The following USP39 variants were observed in gnomAD, a reference collection of about 807,000 sequenced individuals.
USP39 encodes the protein ubiquitin specific peptidase 39.
A neutral mutation model predicts 66.4 loss-of-function variants in USP39; 38 were observed. That is an observed-to-expected ratio of 0.57 (90% CI 0.44 to 0.75). The LOEUF (loss-of-function observed/expected upper bound fraction) is 0.75. USP39 is among the 30% of genes least tolerant of loss of function. The probability of loss-of-function intolerance (pLI) is 0.00; values close to 1 mark genes in which losing one functional copy is unlikely to be tolerated. For missense variants in USP39, 608 were observed against 714.4 expected (o/e 0.85, Z 1.70); for synonymous variants, 303 against 274.6 (o/e 1.10, Z -1.02).
intron 6 of USP39, among the ~76,000 whole-genome samples, chr2:85,633,533 A>T (rs1675529130): frequency 6.6e-6 from 1 of 152,094 alleles, no homozygotes; most frequent in Admixed American, 6.6e-5. Flanking sequence ...ACTTTGGGAG[A>T]TCAAGGTGGG....
intron 2 of USP39, chr2:85,621,230 C>G: frequency 2.9e-6 from 1 of 350,174 alleles, no homozygotes; most frequent in African/African-American, 2.0e-5. Context: ...AATGGAAAGT[C>G]CTGAACTGGT....
chr2:85,635,709 A>G (rs1200886422), intron 6 of USP39, among the ~76,000 whole-genome samples: 2 of 152,184 alleles, frequency 1.3e-5, no homozygotes, highest in Non-Finnish European at 1.5e-5. Context: ...AAAGACAGGA[A>G]TCTTCATGAG....
upstream of USP39, chr2:85,607,677 G>A (rs553347689): frequency 5.3e-5 from 8 of 152,302 alleles, no homozygotes; most frequent in Admixed American, 2.6e-4. Context: ...CTTAACACCC[G>A]GATGTGGAGA....
intron 9 of USP39, 161 bp downstream of exon 9, chr2:85,639,552 T>C: frequency 1.6e-6 from 1 of 645,154 alleles, no homozygotes; most frequent in Non-Finnish European, 2.5e-6. Context: ...CCTCCCAGTT[T>C]CAAGCGATTC....
chr2:85,608,855 A>T, upstream of USP39: 1 of 1,555,832 alleles, frequency 6.4e-7, no homozygotes, highest in South Asian at 1.2e-5. Flanking sequence ...AGATCAGACA[A>T]ACTGGTCCTG....
chr2:85,626,821 G>A (rs1674902042), intron 5 of USP39, among the ~76,000 whole-genome samples: 1 of 151,776 alleles, frequency 6.6e-6, no homozygotes, highest in Non-Finnish European at 1.5e-5. Flanking sequence ...AGGTTCAAGC[G>A]ATTCTCCTGC....
At chr2:85,611,923 A>G (rs760315190), upstream of USP39, 4 of 1,589,088 alleles carry the variant, frequency 2.5e-6, no homozygotes, top group South Asian at 1.1e-5. Flanking sequence ...GCCGTGGTTC[A>G]TGTCCAGCCG....
intron 5 of USP39, among the ~76,000 whole-genome samples, chr2:85,626,366 AAAAG>A (rs1674862723): frequency 6.6e-6 from 1 of 152,192 alleles, no homozygotes; most frequent in Non-Finnish European, 1.5e-5. Context: ...CCGTCTCAAA[AAAAG>A]AAATTACTGC....
At chr2:85,630,425 G>A (rs1028013601) in intron 5 of USP39, among the ~76,000 whole-genome samples, 1 of 152,158 alleles carries the variant, frequency 6.6e-6, no homozygotes, top group African/African-American at 2.4e-5. Flanking sequence ...GGAAATTGTT[G>A]AATAAGTTGA....
chr2:85,611,743 CCTT>C, upstream of USP39: 1 of 1,611,286 alleles, frequency 6.2e-7, no homozygotes, highest in Non-Finnish European at 8.5e-7. Context: ...CGCCTCCTCA[CCTT>C]CTCCTTGGCC....
At chr2:85,620,149 C>A (rs112756646) in intron 2 of USP39, among the ~76,000 whole-genome samples, 2 of 151,112 alleles carry the variant, frequency 1.3e-5, no homozygotes, top group African/African-American at 4.9e-5. Context: ...TGAGCCACCA[C>A]GCCCAGCCAA....
chr2:85,628,367 G>A (rs1484940493), intron 5 of USP39, among the ~76,000 whole-genome samples: 4 of 152,078 alleles, frequency 2.6e-5, no homozygotes, highest in South Asian at 2.1e-4. Flanking sequence ...GGATGGTCTC[G>A]ATCTCCTGAC....
intron 5 of USP39, among the ~76,000 whole-genome samples, chr2:85,627,150 G>A (rs1356719086): frequency 2.6e-5 from 4 of 151,990 alleles, no homozygotes; most frequent in African/African-American, 7.2e-5. Flanking sequence ...AGGCTGGAAT[G>A]CAGTGGCATG....
rs748343563 is a variant in USP39 at position 85,630,960 on chromosome 2, A to T, written c.949+14A>T. The T allele has an allele frequency of 1.9e-6, 3 of 1,608,440 alleles. No homozygotes were observed. Among genetic ancestry groups the T allele is most frequent in the Non-Finnish European group, 2.5e-6 (3 of 1,176,836 alleles). ...TCACCAAACAAGGTAAGAACAAGTC[A>T]TTCATGTTTCAGGACAACAAAACTA... On this transcript the variant is annotated intron_variant, in intron 6 of 12. Transcript: ENST00000323701.
rs1558870182 is a variant in USP39, at chr2:85,639,294, C to T, written c.1187C>T (p.Pro396Leu). ...STFMYLTLDL[P>L]TAPLYKDEKE... is the part of the protein sequence containing the mutation. Reference sequence around the variant, plus strand: ...TTTATGTACCTGACGCTGGACCTTCCTACTGCCCCCCTCTACAAGGACGAG... The same window carrying T: ...TTTATGTACCTGACGCTGGACCTTCTTACTGCCCCCCTCTACAAGGACGAG... The change falls in exon 9 of 13, where the codon CCT (proline) becomes CTT (leucine). Residue 396 changes from proline (P) to leucine (L), a missense_variant. Pro to Leu is a moderately conservative substitution (Grantham distance 98). Coordinates refer to ENST00000323701, the MANE Select transcript of USP39 (RefSeq NM_006590.4). The T allele has an allele frequency of 1.2e-6, 2 of 1,614,044 alleles. No homozygotes were observed. The highest frequency in any genetic ancestry group is 1.7e-6 in the Non-Finnish European group (2 of 1,180,018).
At chr2:85,624,217 C>T (rs1268635607) in intron 4 of USP39, among the ~76,000 whole-genome samples, 1 of 152,090 alleles carries the variant, frequency 6.6e-6, no homozygotes, top group Non-Finnish European at 1.5e-5. Flanking sequence ...AGTTTGTGAC[C>T]TGTGCCAAGA....
intron 1 of USP39, among the ~76,000 whole-genome samples, chr2:85,604,585 A>G (rs1436437692): frequency 2.6e-5 from 4 of 152,214 alleles, no homozygotes; most frequent in African/African-American, 9.7e-5. Context: ...TGTAGTGATC[A>G]CTGTACAAGC....
At chr2:85,624,528 G>A (rs1372670868) in intron 4 of USP39, among the ~76,000 whole-genome samples, 2 of 152,070 alleles carry the variant, frequency 1.3e-5, no homozygotes, top group South Asian at 2.1e-4. Context: ...AAAATTTTTT[G>A]TAGAGATGGA....
intron 6 of USP39, among the ~76,000 whole-genome samples, chr2:85,631,879 G>A (rs1467475246): frequency 6.6e-6 from 1 of 151,970 alleles, no homozygotes; most frequent in Non-Finnish European, 1.5e-5. Flanking sequence ...CTCCCAAGTA[G>A]CTGGGATTAC....
Sources: gnomAD v4.1 joint callset for allele counts (sites outside exome capture counted in the v4.1 genomes callset) on GRCh38, gnomAD v4.1.1 for gene constraint, MANE v1.5 for transcripts, NCBI Gene and HGNC (gene_info 2026-07-23, HGNC 2026-07-21) for gene names.